Variants in CHRNA10 observed in about 807,000 individuals in gnomAD.
CHRNA10 encodes neuronal acetylcholine receptor subunit alpha-10.
A neutral mutation model predicts 36.0 loss-of-function variants in CHRNA10; 31 were observed. The ratio of observed to expected loss-of-function variants is 0.86; its 90% CI spans 0.65 to 1.16. The LOEUF (loss-of-function observed/expected upper bound fraction) is 1.16, where lower values mean the gene tolerates loss of function less well. Among genes scored for constraint, CHRNA10 ranks in the 50% most tolerant of loss-of-function variants. CHRNA10 has a pLI of 0.00. For synonymous variants in CHRNA10, 302 were observed against 287.0 expected (o/e 1.05, Z -0.53); for missense variants, 648 against 640.9 (o/e 1.01, Z -0.12).
chr11:3,669,127 C>T (rs1401609182), intron 3 of CHRNA10, 69 bp downstream of exon 3: 3 of 1,510,848 alleles, frequency 2.0e-6, no homozygotes, highest in Non-Finnish European at 2.7e-6. Context: ...GAGGGGATCA[C>T]TACACCCCCA....
In CHRNA10 at chr11:3,667,821, G is replaced by A. The variant is rs925301789; in HGVS notation, c.363-57C>T. On this transcript the variant is annotated intron_variant, in intron 3 of 4. Coordinates refer to ENST00000250699, the MANE Select transcript of CHRNA10 (RefSeq NM_020402.4). ...CTGTCCAGCCTGAGGAGCAGCCCCGGAGGCCGGGAGCCCAGGGCAGACCCC... is the reference window on the plus strand; with the variant it reads ...CTGTCCAGCCTGAGGAGCAGCCCCGAAGGCCGGGAGCCCAGGGCAGACCCC... The A allele has an allele frequency of 4.3e-6, 6 of 1,392,420 alleles. No homozygotes were observed. In the South Asian group the frequency reaches 6.1e-5, roughly 14 times the overall value. The allele number at this position is 1,392,420 out of a possible 1,614,324, so 86.3% of individuals were successfully genotyped here.
At chr11:3,669,658 G>C (rs1156360953) in intron 2 of CHRNA10, 138 bp downstream of exon 2, 3 of 1,226,452 alleles carry the variant, frequency 2.4e-6, no homozygotes, top group Non-Finnish European at 3.6e-6. Context: ...GTACCCAACA[G>C]TTTGTAACTG....
At chr11:3,668,970 A>G (rs2133975286) in intron 3 of CHRNA10, 2 of 519,352 alleles carry the variant, frequency 3.9e-6, no homozygotes, top group East Asian at 3.3e-5. Flanking sequence ...TGGACCACAC[A>G]GTAGGTTCCG....
At chr11:3,666,676 C>A (rs2133972452) in intron 4 of CHRNA10, 112 bp from the exon 5 acceptor site, 1 of 780,004 alleles carries the variant, frequency 1.3e-6, no homozygotes, top group Non-Finnish European at 2.0e-6. Flanking sequence ...TCTCCAGACC[C>A]TCCAAGCCCC....
At chr11:3,669,408 C>G in intron 2 of CHRNA10, 58 bp from the exon 3 acceptor site, 3 of 1,575,816 alleles carry the variant, frequency 1.9e-6, no homozygotes, top group Non-Finnish European at 2.6e-6. Flanking sequence ...CCTGCCCTGT[C>G]TGTGCACACT....
Position 3,667,174 on chromosome 11 carries a change from C to A in CHRNA10, c.895+58G>T. ...TCCGCAGACCCAGGCCCTGTCGCGG[C>A]CCCGCCCTGGGGGGACCCCAGCGCA... On this transcript the variant is annotated intron_variant, in intron 4 of 4. Coordinates refer to ENST00000250699, the MANE Select transcript of CHRNA10 (RefSeq NM_020402.4). 2.7e-6 allele frequency: 4 copies of A among 1,476,174 alleles called. No homozygotes were observed. The South Asian group carries it at 5.3e-5, about 20-fold the overall frequency. 91.4% of individuals were successfully genotyped at this position (1,476,174 alleles called of 1,614,324 possible).
chr11:3,668,692 G>T (rs1323790600), intron 3 of CHRNA10: 1 of 152,742 alleles, frequency 6.5e-6, no homozygotes, highest in Non-Finnish European at 1.5e-5. Context: ...GTATAAAAAG[G>T]CCTCTGCAGA....
Position 3,669,813 on chromosome 11 carries a change from A to C in CHRNA10, c.190T>G (p.Ser64Ala), listed in dbSNP as rs766486231. 4 of 1,614,080 alleles carry C rather than the reference A, an allele frequency of 2.5e-6. No homozygotes were observed. In the Admixed American group the frequency reaches 6.7e-5, roughly 27 times the overall value. ...TLNVTLEVTL[S>A]QIIDMDERNQ... ...CAACGCACCATGTCGATGATCTGGGACAGTGTCACCTCCAGGGTCACATTC... is the reference window on the plus strand; with the variant it reads ...CAACGCACCATGTCGATGATCTGGGCCAGTGTCACCTCCAGGGTCACATTC... Residue 64 changes from serine to alanine, a missense_variant, in exon 2 of 5, where the codon TCC becomes GCC. Physicochemically the swap from Ser to Ala is moderately conservative, Grantham distance 99. Coordinates refer to ENST00000250699, the MANE Select transcript of CHRNA10 (RefSeq NM_020402.4).
chr11:3,667,710 A>G lies in CHRNA10; in HGVS notation c.417T>C (p.Asp139=), dbSNP rs1168866739. 11 of 1,574,546 alleles carry G rather than the reference A, an allele frequency of 7.0e-6. No individual in the cohort carries two copies. The highest frequency in any genetic ancestry group is 8.6e-6 in the Non-Finnish European group (10 of 1,167,656). ...CCGGCGCGTCCCAGCGCACGGCGCC[A>G]TCGTGGCGCAGGACCACGTTGGTGC... ...SASTNVVLRH[D]GAVRWDAPAI... is the part of the protein sequence containing the mutation. Residue 139 remains aspartate, a synonymous_variant, in exon 4 of 5, where the codon GAT becomes GAC. Coordinates refer to ENST00000250699, the MANE Select transcript of CHRNA10 (RefSeq NM_020402.4).
At chr11:3,669,617 T>A in intron 2 of CHRNA10, 179 bp downstream of exon 2, 1 of 859,104 alleles carries the variant, frequency 1.2e-6, no homozygotes, top group South Asian at 1.5e-5. Context: ...GGGCACGAGG[T>A]AGGCACCCAA....
rs568176743 is a variant in CHRNA10 at position 3,667,421 on chromosome 11, C to T, written c.706G>A (p.Ala236Thr). The change falls in exon 4 of 5, where the codon GCC becomes ACC. Residue 236 changes from alanine to threonine, a missense_variant. Coordinates refer to ENST00000250699, the MANE Select transcript of CHRNA10 (RefSeq NM_020402.4). ...VTFTLLLRRRAAAYVCNLLLP... is the reference protein window; with the variant it reads ...VTFTLLLRRRTAAYVCNLLLP... ...AGCAGGTTGCACACGTAGGCGGCGG[C>T]GCGGCGGCGCAGCAGCAGCGTGAAG... 9.9e-5 allele frequency: 158 copies of T among 1,596,648 alleles called. No individual in the cohort carries two copies. The highest frequency in any genetic ancestry group is 6.5e-4 in the South Asian group (59 of 90,718).
At chr11:3,671,168 G>A (rs1444411757) in intron 1 of CHRNA10, 84 bp downstream of exon 1, 1 of 1,356,892 alleles carries the variant, frequency 7.4e-7, no homozygotes, top group Non-Finnish European at 1.1e-6. Flanking sequence ...AAACACAAGA[G>A]AGACTACATG....
In CHRNA10 at chr11:3,666,056, T is replaced by C; in HGVS notation, c.*51A>G. 6.8e-7 allele frequency: 1 copy of C among 1,474,276 alleles called. No homozygotes were observed. The highest frequency in any genetic ancestry group is 1.4e-5 in the South Asian group (1 of 71,362). The allele number at this position is 1,474,276 out of a possible 1,614,324, so 91.3% of individuals were successfully genotyped here. Reference sequence around the variant, plus strand: ...GCAACCACTTGGCCGTGGCTGTCCCTTTCTGGAGGAGCTGTGGCTGCAGCA... The same window carrying C: ...GCAACCACTTGGCCGTGGCTGTCCCCTTCTGGAGGAGCTGTGGCTGCAGCA... On this transcript the variant is annotated 3_prime_UTR_variant, in exon 5 of 5. Coordinates refer to ENST00000250699, the MANE Select transcript of CHRNA10 (RefSeq NM_020402.4).
At position 3,669,776 on chromosome 11, in the gene CHRNA10, G is replaced by A. The variant is rs1275098869; in HGVS notation, c.207+20C>T. ...CTGTGACAGGTAAGACTCCACAGCTGTACCACCACCACAACGCACCATGTC... is the reference window on the plus strand; with the variant it reads ...CTGTGACAGGTAAGACTCCACAGCTATACCACCACCACAACGCACCATGTC... On this transcript the variant is annotated intron_variant, in intron 2 of 4. Transcript: ENST00000250699. 9.3e-6 allele frequency: 15 copies of A among 1,613,748 alleles called. No individual in the cohort carries two copies. The highest frequency in any genetic ancestry group is 1.3e-5 in the African/African-American group (1 of 74,894).
Position 3,667,480 on chromosome 11 carries a change from T to C in CHRNA10, c.647A>G (p.Tyr216Cys). The change falls in exon 4 of 5, where the codon TAC (tyrosine) becomes TGC (cysteine). Residue 216 changes from tyrosine (Y) to cysteine (C), a missense_variant. Transcript: ENST00000250699. Reference protein sequence around the residue: ...GMPARRRVLTYGCCSEPYPDV... With the variant: ...GMPARRRVLTCGCCSEPYPDV... ...GGGGTAGGGCTCGGAGCAGCAGCCG[T>C]AGGTGAGCACGCGCCGCCGCGCCGG... 2 of 1,589,136 alleles carry C rather than the reference T, an allele frequency of 1.3e-6. No homozygotes were observed. The highest frequency in any genetic ancestry group is 1.7e-6 in the Non-Finnish European group (2 of 1,174,046).
At chr11:3,668,890 C>G (rs2741869) in intron 3 of CHRNA10, 181,831 of 258,724 alleles carry the variant, frequency 0.7, 65,310 homozygotes, top group Admixed American at 0.81. Context: ...ACAGGCTCTT[C>G]GGGGAGCCCT....
Position 3,666,521 on chromosome 11 carries a change from T to G in CHRNA10, c.939A>C (p.Thr313=), listed in dbSNP as rs1368454914. 1 of 1,579,986 alleles carries G rather than the reference T, an allele frequency of 6.3e-7. No homozygotes were observed. The highest frequency in any genetic ancestry group is 8.6e-7 in the Non-Finnish European group (1 of 1,160,730). The change falls in exon 5 of 5, where the codon ACA becomes ACC. Residue 313 remains threonine, a synonymous_variant. Coordinates refer to ENST00000250699, the MANE Select transcript of CHRNA10 (RefSeq NM_020402.4). The part of the protein sequence containing the change: ...MATMTMVTFS[T]ALTILIMNLH... ...GGTTCATGATAAGGATGGTGAGTGC[T>G]GTTGAGAATGTGACCATGGTCATAG...
rs760275688 is a variant in CHRNA10, at chr11:3,667,593, G to C, written c.534C>G (p.Gly178=). 3.9e-6 allele frequency: 6 copies of C among 1,556,744 alleles called. No homozygotes were observed. Among genetic ancestry groups the C allele is most frequent in the Non-Finnish European group, 5.2e-6 (6 of 1,156,182 alleles). The change falls in exon 4 of 5, where the codon GGC becomes GGG. Residue 178 remains glycine (G), a synonymous_variant. Coordinates refer to ENST00000250699, the MANE Select transcript of CHRNA10 (RefSeq NM_020402.4). ...CGLTFGSWTH[G]GHQLDVRPRG... is the part of the protein sequence containing the mutation. ...GCGGCCGCACATCCAGTTGGTGCCC[G>C]CCGTGAGTCCAGGAGCCGAACGTCA...
At position 3,666,418 on chromosome 11, in the gene CHRNA10, G is replaced by C; in HGVS notation, c.1042C>G (p.Leu348Val). Residue 348 changes from leucine to valine, a missense_variant, in exon 5 of 5, where the codon CTG becomes GTG. By Grantham distance (32) the Leu-to-Val change is conservative. Coordinates refer to ENST00000250699, the MANE Select transcript of CHRNA10 (RefSeq NM_020402.4). The part of the protein sequence containing the change: ...ALLLGHLARG[L>V]CVRERGEPCG... ...GGCTCCCCTCTTTCCCGCACGCACAGGCCCCGTGCCAGGTGTCCCAGCAGG... is the reference window on the plus strand; with the variant it reads ...GGCTCCCCTCTTTCCCGCACGCACACGCCCCGTGCCAGGTGTCCCAGCAGG... 1 of 1,614,026 alleles carries C rather than the reference G, an allele frequency of 6.2e-7. No homozygotes were observed. The highest frequency in any genetic ancestry group is 8.5e-7 in the Non-Finnish European group (1 of 1,179,996).
Sources: allele counts gnomAD v4.1 joint callset, GRCh38; gene constraint gnomAD v4.1.1; transcripts MANE v1.5; gene names NCBI Gene and HGNC (gene_info 2026-07-23, HGNC 2026-07-21).